EYS: variants seen among roughly 807,000 people sequenced by gnomAD.
The protein encoded by EYS is protein eyes shut homolog.
EYS carries 250 observed loss-of-function variants against 282.1 expected under a neutral mutation model. That is an observed-to-expected ratio of 0.89 (90% CI 0.80 to 0.98). The LOEUF (loss-of-function observed/expected upper bound fraction) is 0.98. Among genes scored for constraint, EYS ranks in the 50% least tolerant of loss-of-function variants. The pLI is 0.00. For synonymous variants in EYS, 1,355 were observed against 1,282.9 expected (o/e 1.06, Z -1.20); for missense variants, 4,016 against 3,709.0 (o/e 1.08, Z -2.15).
chr6:63,819,160 A>T (rs542001508), intron 36 of EYS, among the ~76,000 whole-genome samples: 146 of 152,282 alleles, frequency 9.6e-4, no homozygotes, highest in African/African-American at 3.3e-3. Context: ...GTGCCTGCCC[A>T]TAGGAGGCTC....
intron 21 of EYS, chr6:64,815,265 A>C (rs547271586): frequency 4.4e-6 from 2 of 453,512 alleles, no homozygotes; most frequent in Admixed American, 2.5e-5. Context: ...CACATAGTAG[A>C]CTATCCTGTA....
intron 22 of EYS, among the ~76,000 whole-genome samples, chr6:64,628,707 G>A (rs1379776111): frequency 1.3e-5 from 2 of 151,968 alleles, no homozygotes; most frequent in Non-Finnish European, 2.9e-5. Flanking sequence ...ATTTGTCTGC[G>A]TTCTTACCTA....
chr6:64,413,473 A>C (rs1773969341), intron 28 of EYS, among the ~76,000 whole-genome samples: 1 of 151,954 alleles, frequency 6.6e-6, no homozygotes, highest in Non-Finnish European at 1.5e-5. Context: ...ATCTTCAAAA[A>C]ACTGTAATTG....
chr6:65,369,318 A>ATATATATATTTATGTATAATATATATAT (rs1562127774), intron 8 of EYS, among the ~76,000 whole-genome samples: 9 of 51,634 alleles, frequency 1.7e-4, no homozygotes, highest in South Asian at 1.0e-3. Context: ...TATATATATT[A>ATATATATATTTATGTATAATATATATAT]TATATATATA....
chr6:64,884,204 A>G (rs1767011655), intron 19 of EYS, among the ~76,000 whole-genome samples: 1 of 151,566 alleles, frequency 6.6e-6, no homozygotes, highest in Admixed American at 6.6e-5. Flanking sequence ...AGGTGTAGGC[A>G]AAGCTAAATT....
intron 2 of EYS, among the ~76,000 whole-genome samples, chr6:65,639,417 C>CT (rs1562303271): frequency 6.6e-6 from 1 of 151,960 alleles, no homozygotes. Flanking sequence ...TTATTCAATC[C>CT]TTTCATCTTG....
At chr6:63,844,444 A>T (rs1438987355) in intron 36 of EYS, among the ~76,000 whole-genome samples, 2 of 152,158 alleles carry the variant, frequency 1.3e-5, no homozygotes, top group Non-Finnish European at 1.5e-5. Context: ...GTCTTCCACA[A>T]TGGTTGAACT....
At chr6:64,920,706 A>G (rs976670325) in intron 15 of EYS, among the ~76,000 whole-genome samples, 1 of 152,176 alleles carries the variant, frequency 6.6e-6, no homozygotes, top group South Asian at 2.1e-4. Context: ...AAATGCATAT[A>G]TAATCTTTCA....
chr6:64,316,159 A>C (rs1403759432), intron 29 of EYS, among the ~76,000 whole-genome samples: 1 of 152,216 alleles, frequency 6.6e-6, no homozygotes, highest in East Asian at 1.9e-4. Flanking sequence ...AACCGGCACA[A>C]GACAAGGATG....
chr6:64,469,483 G>A (rs1286371005), intron 26 of EYS, among the ~76,000 whole-genome samples: 1 of 152,052 alleles, frequency 6.6e-6, no homozygotes, highest in Admixed American at 6.5e-5. Context: ...CCGAGGAAAG[G>A]CCAGGCCATA....
chr6:64,932,806 T>C (rs993007106), intron 15 of EYS, among the ~76,000 whole-genome samples: 1 of 152,008 alleles, frequency 6.6e-6, no homozygotes, highest in Admixed American at 6.6e-5. Context: ...AAATGATTCA[T>C]TTTAGCTGAC....
intron 22 of EYS, among the ~76,000 whole-genome samples, chr6:64,750,161 T>C (rs1772696889): frequency 6.6e-6 from 1 of 152,068 alleles, no homozygotes; most frequent in South Asian, 2.1e-4. Context: ...TATCTAGTTA[T>C]TTTTAAAGCT....
intron 22 of EYS, among the ~76,000 whole-genome samples, chr6:64,747,084 A>G (rs1772579106): frequency 6.6e-6 from 1 of 152,210 alleles, no homozygotes; most frequent in Non-Finnish European, 1.5e-5. Context: ...TGGGTAGAAC[A>G]ACAGTTAGAG....
chr6:64,284,467 G>A (rs1213171363), intron 30 of EYS, among the ~76,000 whole-genome samples: 1 of 152,098 alleles, frequency 6.6e-6, no homozygotes, highest in African/African-American at 2.4e-5. Flanking sequence ...ATGGGCTGGT[G>A]TTGAATGTCT....
chr6:64,395,094 AC>A, intron 28 of EYS, among the ~76,000 whole-genome samples: 1 of 152,312 alleles, frequency 6.6e-6, no homozygotes, highest in South Asian at 2.1e-4. Flanking sequence ...ACCATCTCAC[AC>A]CAGTTAGAAT....
intron 35 of EYS, among the ~76,000 whole-genome samples, chr6:63,913,135 T>A (rs1253377591): frequency 2.6e-5 from 4 of 152,144 alleles, no homozygotes; most frequent in Non-Finnish European, 5.9e-5. Context: ...TTTTTTCATA[T>A]CCCCTAAAGG....
chr6:65,125,097 C>T (rs141608958), intron 12 of EYS, among the ~76,000 whole-genome samples: 2 of 152,266 alleles, frequency 1.3e-5, no homozygotes, highest in East Asian at 3.9e-4. Flanking sequence ...GCCTAAGGGG[C>T]AGAAAGGCCA....
At chr6:64,143,768 G>A (rs765141761) in intron 31 of EYS, among the ~76,000 whole-genome samples, 3 of 152,140 alleles carry the variant, frequency 2.0e-5, no homozygotes, top group Non-Finnish European at 2.9e-5. Flanking sequence ...AAATGTTTTT[G>A]ACCCTGCCAA....
intron 12 of EYS, among the ~76,000 whole-genome samples, chr6:65,084,325 G>A (rs143153160): frequency 1.1e-3 from 174 of 152,058 alleles, no homozygotes; most frequent in African/African-American, 3.9e-3. Context: ...CCCCAAATAC[G>A]ATGAACAGTA....
Sources: allele counts gnomAD v4.1 joint callset (sites outside exome capture counted in the v4.1 genomes callset), GRCh38; gene constraint gnomAD v4.1.1; transcripts MANE v1.5; gene names NCBI Gene and HGNC (gene_info 2026-07-23, HGNC 2026-07-21).